Variants in NR6A1 observed in about 807,000 individuals in gnomAD.
NR6A1 encodes the protein nuclear receptor subfamily 6 group A member 1.
Under a neutral mutation model 59.1 loss-of-function variants are expected in NR6A1, and 7 were observed. That is an observed-to-expected ratio of 0.12 (90% CI 0.07 to 0.22). NR6A1 has a LOEUF of 0.22. Ranked by LOEUF, NR6A1 falls within the 10% of genes least tolerant of loss-of-function variation. The pLI, the probability that NR6A1 is intolerant of heterozygous loss-of-function variation, is 1.00. For missense variants in NR6A1, 468 were observed against 611.6 expected (o/e 0.77, Z 2.48); for synonymous variants, 243 against 236.1 (o/e 1.03, Z -0.27).
In NR6A1 at chr9:124,536,061, A is replaced by G; in HGVS notation, c.896T>C (p.Ile299Thr). ...RLADELLFRQ[I>T]AWIKKLPFFC... ...GAAAGGCAGTTTCTTGATCCAGGCA[A>G]TCTGCCTAAAGAGCAGCTCGTCGGC... Residue 299 changes from isoleucine to threonine, a missense_variant, in exon 7 of 10, where the codon ATT (isoleucine) becomes ACT (threonine). Transcript: ENST00000487099. 1.2e-6 allele frequency: 2 copies of G among 1,614,222 alleles called. No individual in the cohort carries two copies. The highest frequency in any genetic ancestry group is 1.7e-6 in the Non-Finnish European group (2 of 1,180,036).
intron 1 of NR6A1, among the ~76,000 whole-genome samples, chr9:124,752,671 T>C (rs1276060784): frequency 2.6e-5 from 4 of 152,150 alleles, no homozygotes; most frequent in Non-Finnish European, 5.9e-5. Context: ...TTTCAATAAA[T>C]CATTTATGTA....
chr9:124,640,876 T>C (rs1370672858), intron 2 of NR6A1, among the ~76,000 whole-genome samples: 1 of 152,208 alleles, frequency 6.6e-6, no homozygotes, highest in East Asian at 1.9e-4. Flanking sequence ...ATTCTATAAA[T>C]GGGCTTGATT....
intron 2 of NR6A1, among the ~76,000 whole-genome samples, chr9:124,596,059 A>C (rs1352523007): frequency 6.6e-6 from 1 of 152,236 alleles, no homozygotes; most frequent in Non-Finnish European, 1.5e-5. Context: ...TCTGAAAACT[A>C]TTATGGGAAC....
At chr9:124,605,151 C>G (rs1044940643) in intron 2 of NR6A1, among the ~76,000 whole-genome samples, 1 of 152,164 alleles carries the variant, frequency 6.6e-6, no homozygotes, top group African/African-American at 2.4e-5. Context: ...GTCTCTATAT[C>G]CATCTTCTAA....
At chr9:124,560,955 G>A (rs565782954) in intron 2 of NR6A1, among the ~76,000 whole-genome samples, 1 of 152,216 alleles carries the variant, frequency 6.6e-6, no homozygotes, top group South Asian at 2.1e-4. Context: ...GGCTTGGGTG[G>A]CAATGTAGAG....
At position 124,670,078 on chromosome 9, in the gene NR6A1, A is replaced by G. The variant is rs183516466; in HGVS notation, c.142+63230T>C. Among the ~76,000 whole-genome samples the G allele has an allele frequency of 9.9e-5, 15 of 152,126 alleles. No individual in the cohort carries two copies. The East Asian group carries it at 2.9e-3, about 29-fold the overall frequency. ...TCCCCCTACCCTTCCCCTCACATAA[A>G]TTTGGTCAACATACTTCTTAGCCTG... On this transcript the variant is annotated intron_variant, in intron 2 of 9. Coordinates refer to ENST00000487099, the MANE Select transcript of NR6A1 (RefSeq NM_033334.4).
intron 4 of NR6A1, among the ~76,000 whole-genome samples, chr9:124,542,590 C>T (rs917681759): frequency 2.6e-5 from 4 of 152,200 alleles, no homozygotes; most frequent in African/African-American, 7.2e-5. Context: ...CAGTTTTACT[C>T]ACCCTCACCT....
intron 4 of NR6A1, among the ~76,000 whole-genome samples, chr9:124,542,641 C>T (rs949156032): frequency 6.6e-6 from 1 of 152,204 alleles, no homozygotes; most frequent in Non-Finnish European, 1.5e-5. Flanking sequence ...AATGATCTTC[C>T]TAAAATGCAA....
chr9:124,658,961 G>A (rs1251068258), intron 2 of NR6A1, among the ~76,000 whole-genome samples: 1 of 152,250 alleles, frequency 6.6e-6, no homozygotes, highest in Non-Finnish European at 1.5e-5. Flanking sequence ...TTATTATAAG[G>A]AACACAAAGG....
At chr9:124,696,375 T>C (rs1838761079) in intron 2 of NR6A1, among the ~76,000 whole-genome samples, 1 of 152,208 alleles carries the variant, frequency 6.6e-6, no homozygotes, top group African/African-American at 2.4e-5. Context: ...CTTTGGCTTT[T>C]GTTTTTCAAA....
chr9:124,756,385 A>T (rs1368847741), intron 1 of NR6A1, among the ~76,000 whole-genome samples: 1 of 152,260 alleles, frequency 6.6e-6, no homozygotes, highest in African/African-American at 2.4e-5. Flanking sequence ...GTGAGCACAA[A>T]GCAGCAAAGC....
intron 1 of NR6A1, among the ~76,000 whole-genome samples, chr9:124,752,908 G>A (rs1328751719): frequency 2.0e-5 from 3 of 152,148 alleles, no homozygotes; most frequent in Non-Finnish European, 4.4e-5. Flanking sequence ...AAGAAAAGAG[G>A]AGAGGCAGGG....
At chr9:124,561,861 A>C (rs985370850) in intron 2 of NR6A1, among the ~76,000 whole-genome samples, 35 of 152,122 alleles carry the variant, frequency 2.3e-4, no homozygotes, top group African/African-American at 8.2e-4. Context: ...GCAGTGAGCC[A>C]AGATTGCACC....
intron 2 of NR6A1, among the ~76,000 whole-genome samples, chr9:124,558,498 G>A (rs891550664): frequency 6.6e-6 from 1 of 151,908 alleles, no homozygotes; most frequent in African/African-American, 2.4e-5. Context: ...AGAAGCATTT[G>A]GAAAACTTCT....
chr9:124,723,655 C>T (rs1839628714), intron 2 of NR6A1, among the ~76,000 whole-genome samples: 2 of 152,222 alleles, frequency 1.3e-5, no homozygotes, highest in Non-Finnish European at 2.9e-5. Flanking sequence ...AGAATTTCAA[C>T]ATTATACTAC....
At chr9:124,752,562 T>C (rs1053747717) in intron 1 of NR6A1, among the ~76,000 whole-genome samples, 1 of 152,074 alleles carries the variant, frequency 6.6e-6, no homozygotes, top group Non-Finnish European at 1.5e-5. Flanking sequence ...TGAGATAACA[T>C]CTGTTTCAAA....
intron 2 of NR6A1, among the ~76,000 whole-genome samples, chr9:124,702,305 A>G (rs1402802434): frequency 6.6e-6 from 1 of 152,184 alleles, no homozygotes; most frequent in Non-Finnish European, 1.5e-5. Flanking sequence ...AGAGTCTTAG[A>G]TAAATTTTTG....
chr9:124,574,483 T>A (rs990183432), intron 2 of NR6A1, among the ~76,000 whole-genome samples: 2 of 152,212 alleles, frequency 1.3e-5, no homozygotes, highest in Non-Finnish European at 2.9e-5. Context: ...AGCTTGAACA[T>A]CTCCAGTGAT....
chr9:124,643,600 CAAA>C (rs758727432), intron 2 of NR6A1, among the ~76,000 whole-genome samples: 3 of 93,346 alleles, frequency 3.2e-5, no homozygotes, highest in Non-Finnish European at 6.7e-5. Flanking sequence ...GACCCAATCT[CAAA>C]AAAAAAAAAA....
Sources: gnomAD v4.1 joint callset for allele counts (sites outside exome capture counted in the v4.1 genomes callset) on GRCh38, gnomAD v4.1.1 for gene constraint, MANE v1.5 for transcripts, NCBI Gene and HGNC (gene_info 2026-07-23, HGNC 2026-07-21) for gene names.